PLBD1: variants seen among roughly 807,000 people sequenced by gnomAD.
PLBD1 encodes lysosomal leucine aminopeptidase.
PLBD1 carries 60 observed loss-of-function variants against 63.0 expected under a neutral mutation model. That is an observed-to-expected ratio of 0.95 (90% CI 0.77 to 1.18). The LOEUF is 1.18. Ranked by LOEUF, PLBD1 falls within the 50% of genes most tolerant of loss-of-function variation. The pLI is 0.00. For synonymous variants in PLBD1, 262 were observed against 248.0 expected, an observed-to-expected ratio of 1.06 and a Z score of -0.53; for missense variants, 598 against 677.9, an observed-to-expected ratio of 0.88 and a Z score of 1.31.
intron 6 of PLBD1, among the ~76,000 whole-genome samples, chr12:14,519,437 G>A (rs1945360174): frequency 6.6e-6 from 1 of 151,886 alleles, no homozygotes; most frequent in African/African-American, 2.4e-5. Context: ...GGCTAACAGG[G>A]CGAAACCCTG....
intron 1 of PLBD1, among the ~76,000 whole-genome samples, chr12:14,563,595 A>T (rs924135229): frequency 1.6e-4 from 25 of 152,208 alleles, no homozygotes; most frequent in African/African-American, 6.0e-4. Context: ...TCAAGACATG[A>T]TAACTTTTTA....
intron 3 of PLBD1, 48 bp from the exon 4 acceptor site, chr12:14,540,950 C>T (rs2059125950): frequency 2.0e-6 from 3 of 1,514,700 alleles, no homozygotes; most frequent in Non-Finnish European, 9.0e-7. Context: ...GTTGCTCATT[C>T]AAAGCTAAAT....
chr12:14,553,873 G>A (rs149075754), intron 1 of PLBD1: 4,650 of 173,612 alleles, frequency 0.027, 237 homozygotes, highest in African/African-American at 0.11. Flanking sequence ...GGAGCAGTGA[G>A]GGAGGAAGGG....
rs773152040 is a variant in PLBD1, at chr12:14,536,669, T to TC, written c.599dup (p.Asp201ArgfsTer21). The TC allele has an allele frequency of 2.5e-6, 4 of 1,614,160 alleles. No homozygotes were observed. The South Asian group carries it at 4.4e-5, about 18-fold the overall frequency. ...GTGAGGGAATCAGATCCAATAGATC[T>TC]CCAACACTATTCAGGAACTGAATCT... On this transcript the variant is annotated frameshift_variant, in exon 5 of 11. Coordinates refer to ENST00000240617, the MANE Select transcript of PLBD1 (RefSeq NM_024829.6). LOFTEE classifies it high-confidence loss of function.
At chr12:14,545,415 A>G (rs576024272) in intron 2 of PLBD1, among the ~76,000 whole-genome samples, 15 of 152,306 alleles carry the variant, frequency 9.8e-5, no homozygotes, top group African/African-American at 3.1e-4. Flanking sequence ...TTTCTGTTCA[A>G]TTTCTGGTAG....
intron 4 of PLBD1, 87 bp from the exon 5 acceptor site, chr12:14,536,797 T>C: frequency 6.6e-7 from 1 of 1,514,554 alleles, no homozygotes. Context: ...CATTAAATTA[T>C]TCCCTTGCAG....
chr12:14,525,859 G>C (rs1305861224), intron 6 of PLBD1, among the ~76,000 whole-genome samples: 1 of 152,010 alleles, frequency 6.6e-6, no homozygotes, highest in African/African-American at 2.4e-5. Flanking sequence ...CACTAAATGG[G>C]ATAATTACCA....
At chr12:14,559,924 G>C (rs1363136188) in intron 1 of PLBD1, among the ~76,000 whole-genome samples, 1 of 151,098 alleles carries the variant, frequency 6.6e-6, no homozygotes, top group Admixed American at 6.6e-5. Context: ...GCAATGGTGC[G>C]ATCTTGGCTC....
chr12:14,549,662 G>A (rs556513767), intron 2 of PLBD1, among the ~76,000 whole-genome samples: 2 of 151,972 alleles, frequency 1.3e-5, no homozygotes, highest in African/African-American at 4.8e-5. Context: ...TCCACTCCTC[G>A]GTCCTTGTTT....
At chr12:14,564,356 T>C (rs982966258) in intron 1 of PLBD1, among the ~76,000 whole-genome samples, 1 of 152,154 alleles carries the variant, frequency 6.6e-6, no homozygotes, top group Admixed American at 6.5e-5. Context: ...ACTGTTATTC[T>C]CAAGTGGACA....
Position 14,513,609 on chromosome 12 carries a change from C to T in PLBD1, c.845-1898G>A, listed in dbSNP as rs116848905. ...ACCTGCATTTTAGTTTCCTGCTTGC[C>T]TCTAATGAATTTGACAGTTCTTATT... On this transcript the variant is annotated intron_variant, in intron 6 of 10. Coordinates refer to ENST00000240617, the MANE Select transcript of PLBD1 (RefSeq NM_024829.6). Among the ~76,000 whole-genome samples the T allele has an allele frequency of 6.5e-4, 99 of 152,206 alleles. 2 individuals carry two copies. The East Asian group carries it at 0.014, about 22-fold the overall frequency.
At chr12:14,510,036 AG>A (rs1945284637) in intron 8 of PLBD1, among the ~76,000 whole-genome samples, 3 of 152,190 alleles carry the variant, frequency 2.0e-5, no homozygotes, top group African/African-American at 7.2e-5. Flanking sequence ...ATGACATTAC[AG>A]TCTCTTTGGG....
intron 10 of PLBD1, 145 bp downstream of exon 10, chr12:14,506,017 C>G: frequency 1.8e-6 from 1 of 557,046 alleles, no homozygotes; most frequent in Non-Finnish European, 3.2e-6. Context: ...ATAGGACCTA[C>G]CACCAGAATC....
chr12:14,537,925 C>T (rs7965768), intron 4 of PLBD1, among the ~76,000 whole-genome samples: 5,587 of 152,122 alleles, frequency 0.037, 354 homozygotes, highest in African/African-American at 0.13. Context: ...ACTACCATTT[C>T]TAGTTAATCA....
intron 6 of PLBD1, among the ~76,000 whole-genome samples, chr12:14,513,830 A>C (rs1945318376): frequency 6.9e-6 from 1 of 144,950 alleles, no homozygotes; most frequent in African/African-American, 2.6e-5. Flanking sequence ...CCCAGGCTGG[A>C]GTGCAGTGGC....
chr12:14,548,480 A>G (rs1264348093), intron 2 of PLBD1, among the ~76,000 whole-genome samples: 63 of 102,658 alleles, frequency 6.1e-4, no homozygotes, highest in South Asian at 1.7e-3. Flanking sequence ...AAAAAAAAAA[A>G]AAGAAGAAGA....
intron 10 of PLBD1, among the ~76,000 whole-genome samples, chr12:14,505,244 G>C (rs371881808): frequency 2.6e-5 from 4 of 152,062 alleles, no homozygotes; most frequent in South Asian, 4.2e-4. Context: ...TAGGCTGATA[G>C]AGAATCATGT....
At chr12:14,566,998 G>A (rs1416591529) in intron 1 of PLBD1, among the ~76,000 whole-genome samples, 2 of 152,068 alleles carry the variant, frequency 1.3e-5, no homozygotes, top group African/African-American at 4.8e-5. Flanking sequence ...GGGAAGCTGA[G>A]GGAGGAGAAT....
intron 6 of PLBD1, among the ~76,000 whole-genome samples, chr12:14,532,890 T>G (rs573809812): frequency 1.3e-5 from 2 of 152,212 alleles, no homozygotes; most frequent in East Asian, 3.9e-4. Flanking sequence ...TTTAGGTAAT[T>G]TTCATGAAGG....
Sources: gnomAD v4.1 joint callset for allele counts (sites outside exome capture counted in the v4.1 genomes callset) on GRCh38, gnomAD v4.1.1 for gene constraint, MANE v1.5 for transcripts, NCBI Gene and HGNC (gene_info 2026-07-23, HGNC 2026-07-21) for gene names.